Variants in TTYH2 observed in about 807,000 individuals in gnomAD.
TTYH2 encodes tweety family member 2.
Under a neutral mutation model 68.3 loss-of-function variants are expected in TTYH2, and 49 were observed. The observed-to-expected ratio is 0.72, with a 90% CI of 0.57 to 0.91. The LOEUF is 0.91. Among genes scored for constraint, TTYH2 ranks in the 40% least tolerant of loss-of-function variants. The pLI is 0.00. For missense variants in TTYH2, 631 were observed against 700.4 expected (o/e 0.90, Z 1.12); for synonymous variants, 272 against 300.8 (o/e 0.90, Z 0.99).
intron 13 of TTYH2, among the ~76,000 whole-genome samples, chr17:74,256,371 C>T (rs981801260): frequency 2.6e-5 from 4 of 152,088 alleles, no homozygotes; most frequent in Admixed American, 6.6e-5. Flanking sequence ...CCACAAAGCA[C>T]GGTGCAGCCC....
chr17:74,229,402 T>C (rs2050364422), intron 2 of TTYH2, among the ~76,000 whole-genome samples: 1 of 152,080 alleles, frequency 6.6e-6, no homozygotes, highest in African/African-American at 2.4e-5. Flanking sequence ...GGACAGTATT[T>C]TCCTATTGCC....
chr17:74,246,460 A>C (rs963165028), intron 6 of TTYH2, among the ~76,000 whole-genome samples: 1 of 151,998 alleles, frequency 6.6e-6, no homozygotes, highest in East Asian at 1.9e-4. Context: ...TGTCCAATAA[A>C]CAGTGGCCAC....
chr17:74,235,330 T>A (rs1340148530), intron 3 of TTYH2, among the ~76,000 whole-genome samples: 1 of 152,178 alleles, frequency 6.6e-6, no homozygotes, highest in African/African-American at 2.4e-5. Context: ...CCCAGACCCG[T>A]GGGAGCTGAA....
intron 10 of TTYH2, 104 bp from the exon 11 acceptor site, chr17:74,252,130 A>T: frequency 6.9e-7 from 1 of 1,455,370 alleles, no homozygotes. Context: ...CAGCCAGGAG[A>T]CCCCAGGTCC....
intron 4 of TTYH2, chr17:74,240,706 G>C (rs1243162978): frequency 6.6e-6 from 1 of 152,228 alleles, no homozygotes; most frequent in Non-Finnish European, 1.5e-5. Flanking sequence ...AAGCCAAGGG[G>C]CTCCTCTCTT....
chr17:74,222,719 G>C lies in TTYH2; in HGVS notation c.302+62G>C. On this transcript the variant is annotated intron_variant, in intron 2 of 13. Coordinates refer to ENST00000269346, the MANE Select transcript of TTYH2 (RefSeq NM_032646.6). The surrounding 1 kb of genome is among the most constrained non-coding windows in gnomAD (Gnocchi z 5.2). ...CTCAGTCTGCAAGGGGCCAGGGACT[G>C]TTTGACCATGTTCTGACGGAGCTCC... The C allele has an allele frequency of 6.7e-7, 1 of 1,495,602 alleles. No individual in the cohort carries two copies. Among genetic ancestry groups the C allele is most frequent in the Non-Finnish European group, 8.9e-7 (1 of 1,120,032 alleles). 92.6% of individuals were successfully genotyped at this position (1,495,602 alleles called of 1,614,324 possible).
Position 74,252,316 on chromosome 17 carries a change from C to T in TTYH2, c.1199C>T (p.Ala400Val), listed in dbSNP as rs1443982691. Residue 400 changes from alanine (A) to valine (V), a missense_variant, in exon 11 of 14, where the codon GCC becomes GTC. By Grantham distance (64) the Ala-to-Val change is moderately conservative. Transcript: ENST00000269346. ...CTTGGCCTCTTCTCCTTCCTGGCCG[C>T]CCTCGCCTTCTCCACCATGATCTGT... ...LYLGLFSFLA[A>V]LAFSTMICAG... is the part of the protein sequence containing the mutation. 6.2e-7 allele frequency: 1 copy of T among 1,613,924 alleles called. No homozygotes were observed.
chr17:74,224,993 C>T (rs576543395), intron 2 of TTYH2, among the ~76,000 whole-genome samples: 40 of 139,526 alleles, frequency 2.9e-4, no homozygotes, highest in Middle Eastern at 3.7e-3. Flanking sequence ...AGTCAGACTC[C>T]GTCTCAAAAA....
At chr17:74,223,285 T>TTTTG (rs200115969) in intron 2 of TTYH2, among the ~76,000 whole-genome samples, 1 of 117,734 alleles carries the variant, frequency 8.5e-6, no homozygotes, top group Admixed American at 8.0e-5. Flanking sequence ...GCTTTTTTTT[T>TTTTG]GGGGGGCGGG....
At chr17:74,252,091 T>C (rs2050636609) in intron 10 of TTYH2, 143 bp from the exon 11 acceptor site, 3 of 1,005,260 alleles carry the variant, frequency 3.0e-6, no homozygotes, top group Non-Finnish European at 4.4e-6. Context: ...GGACCTTTAA[T>C]GGTGCTGCAA....
chr17:74,243,389 C>G lies in TTYH2; in HGVS notation c.651C>G (p.Leu217=). 1 of 1,614,224 alleles carries G rather than the reference C, an allele frequency of 6.2e-7. No individual in the cohort carries two copies. The part of the protein sequence containing the change: ...YVEYYRWLSY[L]LLFILDLVIC... ...CTCTACCCAGGTGGCTCTCCTACCT[C>G]CTGCTCTTTATCCTGGACCTGGTCA... Residue 217 remains leucine (L), a synonymous_variant, in exon 5 of 14, where the codon CTC becomes CTG. Coordinates refer to ENST00000269346, the MANE Select transcript of TTYH2 (RefSeq NM_032646.6).
intron 6 of TTYH2, chr17:74,247,849 GTGCA>G (rs1010386019): frequency 2.6e-5 from 4 of 152,360 alleles, no homozygotes; most frequent in African/African-American, 7.3e-5. Flanking sequence ...GCGTGCGTGC[GTGCA>G]TGCGTGTGTG....
intron 2 of TTYH2, among the ~76,000 whole-genome samples, chr17:74,227,267 G>A (rs188949178): frequency 1.9e-4 from 29 of 152,252 alleles, no homozygotes; most frequent in African/African-American, 6.7e-4. Context: ...GAGCCCCAAG[G>A]CGATTTCTGA....
intron 5 of TTYH2, 41 bp downstream of exon 5, chr17:74,243,510 C>A: frequency 3.8e-6 from 6 of 1,596,280 alleles, no homozygotes; most frequent in Non-Finnish European, 5.2e-6. Flanking sequence ...AAGAGCTGGG[C>A]AGGATGCCAT....
At chr17:74,235,054 T>C (rs1370936962) in intron 3 of TTYH2, among the ~76,000 whole-genome samples, 1 of 152,178 alleles carries the variant, frequency 6.6e-6, no homozygotes, top group Non-Finnish European at 1.5e-5. Context: ...CTCTTAGTCC[T>C]TAACCAACTC....
At chr17:74,250,439 C>G (rs536203519) in intron 10 of TTYH2, 82 bp downstream of exon 10, 2 of 1,180,556 alleles carry the variant, frequency 1.7e-6, no homozygotes, top group Non-Finnish European at 2.4e-6. Flanking sequence ...CGGTAGAGGC[C>G]GAGGGGAGCG....
In TTYH2 at chr17:74,241,238, TAGAC is replaced by T. The variant is rs1204812237; in HGVS notation, c.636-2131_636-2128del. The stretch of plus-strand genomic sequence containing the variant: ...GAGTTTGAGACCAGCCTGGACAACA[TAGAC>T]AGACCCGGTATTTATAATACGTGTG... On this transcript the variant is annotated intron_variant, in intron 4 of 13. Transcript: ENST00000269346. The surrounding 1 kb of genome is among the most constrained non-coding windows in gnomAD (Gnocchi z 4.1). 2.6e-5 allele frequency among the ~76,000 whole-genome samples: 4 copies of T among 151,062 alleles called. No homozygotes were observed. The highest frequency in any genetic ancestry group is 3.9e-4 in the East Asian group (2 of 5,140).
chr17:74,235,012 G>A (rs2050428424), intron 3 of TTYH2, among the ~76,000 whole-genome samples: 1 of 152,156 alleles, frequency 6.6e-6, no homozygotes, highest in Non-Finnish European at 1.5e-5. Context: ...TGTCGAATCT[G>A]CACATGGTAG....
At chr17:74,253,714 C>G (rs1204460959) in intron 12 of TTYH2, 41 bp from the exon 13 acceptor site, 2 of 1,603,072 alleles carry the variant, frequency 1.2e-6, no homozygotes, top group Non-Finnish European at 8.5e-7. Context: ...CACCCCCACT[C>G]CCACACCATC....
Sources: allele counts gnomAD v4.1 joint callset (sites outside exome capture counted in the v4.1 genomes callset), GRCh38; gene constraint gnomAD v4.1.1; non-coding constraint Gnocchi (gnomAD v3.1); transcripts MANE v1.5; gene names NCBI Gene and HGNC (gene_info 2026-07-23, HGNC 2026-07-21).